EPHA4: variants seen among roughly 807,000 people sequenced by gnomAD.
EPHA4 encodes the protein EPH receptor A4.
EPHA4 carries 19 observed loss-of-function variants against 108.3 expected under a neutral mutation model. The ratio of observed to expected loss-of-function variants is 0.18; its 90% CI spans 0.12 to 0.26. The LOEUF is 0.26. Ranked by LOEUF, EPHA4 falls within the 10% of genes least tolerant of loss-of-function variation. EPHA4 has a pLI of 1.00. For missense variants in EPHA4, 917 were observed against 1,254.0 expected (o/e 0.73, Z 4.06); for synonymous variants, 449 against 455.5 (o/e 0.99, Z 0.18).
intron 3 of EPHA4, chr2:221,502,428 T>C (rs148503591): frequency 1.6e-4 from 73 of 458,998 alleles, no homozygotes; most frequent in African/African-American, 1.1e-3. Context: ...GACTTGTCTA[T>C]ACTATCAGAA....
At chr2:221,437,145 C>G in intron 11 of EPHA4, 23 bp from the exon 12 acceptor site, 1 of 1,585,606 alleles carries the variant, frequency 6.3e-7, no homozygotes, top group African/African-American at 1.3e-5. Context: ...GAAAGAAAAA[C>G]ACAAACCTTT....
At chr2:221,431,556 T>C (rs1410972658) in intron 14 of EPHA4, among the ~76,000 whole-genome samples, 5 of 152,228 alleles carry the variant, frequency 3.3e-5, no homozygotes, top group Admixed American at 3.3e-4. Flanking sequence ...TTCTCTATGC[T>C]GTCTTATTGA....
intron 2 of EPHA4, among the ~76,000 whole-genome samples, chr2:221,566,950 G>A (rs7589382): frequency 0.4 from 2,809 of 6,960 alleles, 907 homozygotes; most frequent in African/African-American, 0.6. Flanking sequence ...GAAGGAGAAG[G>A]AGAAGGGGAA....
chr2:221,514,093 G>GA (rs56077547), intron 3 of EPHA4, among the ~76,000 whole-genome samples: 52,107 of 147,120 alleles, frequency 0.35, 10,443 homozygotes, highest in East Asian at 0.55. Context: ...TAAGCCGGGG[G>GA]GAGGGGGTTT....
At chr2:221,494,028 T>C (rs1692234474) in intron 4 of EPHA4, among the ~76,000 whole-genome samples, 1 of 152,180 alleles carries the variant, frequency 6.6e-6, no homozygotes, top group Non-Finnish European at 1.5e-5. Context: ...GTAAAGGCCC[T>C]TCAAGTTGGC....
chr2:221,437,544 TC>T (rs1187364861), intron 11 of EPHA4: 1 of 154,946 alleles, frequency 6.5e-6, no homozygotes, highest in African/African-American at 2.4e-5. Context: ...GCAATAAACT[TC>T]TTTATTTAGA....
At chr2:221,562,508 G>T (rs1409168458) in intron 3 of EPHA4, among the ~76,000 whole-genome samples, 1 of 152,178 alleles carries the variant, frequency 6.6e-6, no homozygotes, top group East Asian at 1.9e-4. Context: ...CAGACAAATT[G>T]TTTGGCAGTC....
Position 221,436,625 on chromosome 2 carries a change from T to C in EPHA4, c.2137-17A>G, listed in dbSNP as rs372660980. The C allele has an allele frequency of 5.2e-5, 84 of 1,611,404 alleles. No homozygotes were observed. In the African/African-American group the frequency reaches 1.0e-3, roughly 20 times the overall value. On this transcript the variant is annotated splice_polypyrimidine_tract_variant and intron_variant, in intron 12 of 17. Transcript: ENST00000281821. ...ATCATTTTTCTGCATAGAAAAGGAG[T>C]GAGGAACAATCTCATTAGCATTAGG...
chr2:221,434,127 A>G lies in EPHA4; in HGVS notation c.2496+15T>C. 6.2e-7 allele frequency: 1 copy of G among 1,605,894 alleles called. No individual in the cohort carries two copies. Among genetic ancestry groups the G allele is most frequent in the Non-Finnish European group, 8.5e-7 (1 of 1,176,080 alleles). ...CTCAATGTGAAAAAATATATTTCAG[A>G]ACATAGAGACTTACATCTTGATTGG... is the stretch of plus-strand genomic sequence containing the variant. On this transcript the variant is annotated intron_variant, in intron 14 of 17. Coordinates refer to ENST00000281821, the MANE Select transcript of EPHA4 (RefSeq NM_004438.5).
chr2:221,556,049 G>A (rs191757702), intron 3 of EPHA4, among the ~76,000 whole-genome samples: 11 of 152,154 alleles, frequency 7.2e-5, no homozygotes, highest in South Asian at 6.2e-4. Context: ...CAACATTTTC[G>A]GCCTCAGAAC....
At chr2:221,420,802 T>C (rs889573559) in intron 17 of EPHA4, among the ~76,000 whole-genome samples, 2 of 152,100 alleles carry the variant, frequency 1.3e-5, no homozygotes, top group African/African-American at 4.8e-5. Context: ...CTCCATTATA[T>C]GGATGAGGAA....
intron 3 of EPHA4, among the ~76,000 whole-genome samples, chr2:221,541,807 A>C (rs1378781960): frequency 1.3e-5 from 2 of 152,226 alleles, no homozygotes; most frequent in Non-Finnish European, 2.9e-5. Context: ...TACTTTGTAC[A>C]TTACAAGTAC....
At chr2:221,467,591 T>C (rs1298911528) in intron 5 of EPHA4, among the ~76,000 whole-genome samples, 1 of 152,204 alleles carries the variant, frequency 6.6e-6, no homozygotes, top group Non-Finnish European at 1.5e-5. Flanking sequence ...TTTTACAAGT[T>C]AGCTAGTATC....
At chr2:221,490,145 C>CAAA (rs34398551) in intron 4 of EPHA4, among the ~76,000 whole-genome samples, 2 of 102,768 alleles carry the variant, frequency 1.9e-5, no homozygotes, top group Middle Eastern at 4.9e-3. Context: ...GACCCTGTCT[C>CAAA]AAAAAAAAAA....
intron 5 of EPHA4, among the ~76,000 whole-genome samples, chr2:221,463,508 C>G (rs139908860): frequency 6.6e-6 from 1 of 152,154 alleles, no homozygotes; most frequent in East Asian, 1.9e-4. Flanking sequence ...TTTTGATAAA[C>G]AGAAACAGCA....
chr2:221,462,803 A>G (rs1328101727), intron 5 of EPHA4, among the ~76,000 whole-genome samples: 1 of 152,214 alleles, frequency 6.6e-6, no homozygotes, highest in Admixed American at 6.5e-5. Context: ...ATGTAAGTTA[A>G]CATTAAAACT....
chr2:221,538,517 T>C (rs182565823), intron 3 of EPHA4, among the ~76,000 whole-genome samples: 4 of 152,046 alleles, frequency 2.6e-5, no homozygotes, highest in African/African-American at 9.6e-5. Flanking sequence ...AACTCAAAGC[T>C]CTCTCTTTTT....
intron 15 of EPHA4, among the ~76,000 whole-genome samples, chr2:221,428,193 T>C (rs770770973): frequency 4.6e-5 from 7 of 152,206 alleles, no homozygotes; most frequent in Non-Finnish European, 1.0e-4. Context: ...GAGGAAGATG[T>C]AGGCTCTGAG....
Position 221,456,749 on chromosome 2 carries a change from A to G in EPHA4, c.1467T>C (p.Arg489=). ...YEKDQNERSY[R]IVRTAARNTD... ...TGTTCCTGGCAGCTGTCCGAACTAT[A>G]CGATAGCTTCGCTCATTCTGATCCT... The change falls in exon 7 of 18, where the codon CGT becomes CGC. Residue 489 remains arginine, a synonymous_variant. Coordinates refer to ENST00000281821, the MANE Select transcript of EPHA4 (RefSeq NM_004438.5). 3 of 1,613,922 alleles carry G rather than the reference A, an allele frequency of 1.9e-6. No individual in the cohort carries two copies. The highest frequency in any genetic ancestry group is 2.5e-6 in the Non-Finnish European group (3 of 1,179,866).
Sources: allele counts gnomAD v4.1 joint callset (sites outside exome capture counted in the v4.1 genomes callset), GRCh38; gene constraint gnomAD v4.1.1; transcripts MANE v1.5; gene names NCBI Gene and HGNC (gene_info 2026-07-23, HGNC 2026-07-21).